Variants in GYPC observed in about 807,000 individuals in gnomAD.
GYPC encodes the protein glycophorin C (Gerbich blood group).
GYPC carries 14 observed loss-of-function variants against 12.6 expected under a neutral mutation model. The ratio of observed to expected loss-of-function variants is 1.11; its 90% CI spans 0.74 to 1.74. GYPC has a LOEUF of 1.74. Ranked by LOEUF, GYPC falls within the 40% of genes most tolerant of loss-of-function variation. The pLI, the probability that GYPC is intolerant of heterozygous loss-of-function variation, is 0.00. For synonymous variants in GYPC, 78 were observed against 62.1 expected (o/e 1.26, Z -1.20); for missense variants, 225 against 172.1 (o/e 1.31, Z -1.72).
intron 3 of GYPC, among the ~76,000 whole-genome samples, chr2:126,695,527 T>A (rs1683615161): frequency 6.6e-6 from 1 of 152,194 alleles, no homozygotes; most frequent in South Asian, 2.1e-4. Context: ...TATGAGTTCT[T>A]GAGTTTGGAA....
chr2:126,691,498 C>T (rs56209724), intron 2 of GYPC, among the ~76,000 whole-genome samples: 1 of 152,142 alleles, frequency 6.6e-6, no homozygotes, highest in Non-Finnish European at 1.5e-5. Flanking sequence ...AGTCCTCAAT[C>T]GCCAGGAGGG....
chr2:126,668,923 G>A (rs750649451), intron 1 of GYPC, among the ~76,000 whole-genome samples: 14 of 152,176 alleles, frequency 9.2e-5, no homozygotes, highest in Non-Finnish European at 1.5e-4. Flanking sequence ...CTTATCACAC[G>A]AATTCAGGTT....
chr2:126,674,517 G>A lies in GYPC; in HGVS notation c.50-15738G>A, dbSNP rs28387142. Among the ~76,000 whole-genome samples, 1,049 of 152,310 alleles carry A rather than the reference G, an allele frequency of 6.9e-3. 8 individuals are homozygous for A. The highest frequency in any genetic ancestry group is 0.024 in the African/African-American group (983 of 41,568). ...AGAAAGGGGCACTAGAGAGGCCCTC[G>A]AGCCCTGAATGTGGTGGTGGGAGCT... On this transcript the variant is annotated intron_variant, in intron 1 of 3. Transcript: ENST00000259254.
At chr2:126,669,737 AATCCAC>A (rs1465344921) in intron 1 of GYPC, among the ~76,000 whole-genome samples, 47 of 152,140 alleles carry the variant, frequency 3.1e-4, no homozygotes, top group Non-Finnish European at 4.4e-5. Context: ...AGGAGGATGA[AATCCAC>A]GGTGTTCCTT....
intron 1 of GYPC, among the ~76,000 whole-genome samples, chr2:126,665,610 G>A (rs988433691): frequency 6.6e-6 from 1 of 152,168 alleles, no homozygotes; most frequent in Non-Finnish European, 1.5e-5. Context: ...AGGGAGCCCT[G>A]GAGACCCTCT....
intron 1 of GYPC, among the ~76,000 whole-genome samples, chr2:126,683,531 A>G (rs1256065519): frequency 6.6e-6 from 1 of 151,924 alleles, no homozygotes; most frequent in African/African-American, 2.4e-5. Context: ...ACTTTTTCAT[A>G]CTCTCGCCTC....
intron 1 of GYPC, among the ~76,000 whole-genome samples, chr2:126,672,978 A>G (rs1682892405): frequency 6.6e-6 from 1 of 151,974 alleles, no homozygotes; most frequent in African/African-American, 2.4e-5. Context: ...ATCCTCACCC[A>G]TGTCAGAGGT....
chr2:126,683,750 T>G (rs1210648022), intron 1 of GYPC, among the ~76,000 whole-genome samples: 1 of 152,224 alleles, frequency 6.6e-6, no homozygotes, highest in Non-Finnish European at 1.5e-5. Flanking sequence ...GTTCCCCTCC[T>G]GGGAGTACAT....
At chr2:126,669,100 G>A (rs1225550893) in intron 1 of GYPC, among the ~76,000 whole-genome samples, 9 of 152,156 alleles carry the variant, frequency 5.9e-5, no homozygotes, top group Admixed American at 4.6e-4. Context: ...AGACATAGTC[G>A]CAGCTTGTTG....
intron 3 of GYPC, among the ~76,000 whole-genome samples, chr2:126,695,103 G>A (rs1683602053): frequency 6.6e-6 from 1 of 152,200 alleles, no homozygotes; most frequent in Non-Finnish European, 1.5e-5. Context: ...AATGGGAGCA[G>A]GGTAGGGTGA....
At chr2:126,665,744 C>T (rs1682661809) in intron 1 of GYPC, among the ~76,000 whole-genome samples, 1 of 152,236 alleles carries the variant, frequency 6.6e-6, no homozygotes, top group South Asian at 2.1e-4. Flanking sequence ...CTGCCCTGCT[C>T]CGCACCTAGT....
intron 1 of GYPC, among the ~76,000 whole-genome samples, chr2:126,671,642 G>A (rs1418709331): frequency 6.6e-6 from 1 of 152,216 alleles, no homozygotes; most frequent in African/African-American, 2.4e-5. Context: ...GACTGCCCTA[G>A]CACACACGTG....
At chr2:126,661,304 G>A (rs1003616747) in intron 1 of GYPC, among the ~76,000 whole-genome samples, 11 of 152,238 alleles carry the variant, frequency 7.2e-5, no homozygotes, top group Admixed American at 7.2e-4. Flanking sequence ...AGCAAGACTT[G>A]CTGCCAACCT....
chr2:126,673,392 G>T (rs1324987722), intron 1 of GYPC, among the ~76,000 whole-genome samples: 11 of 152,274 alleles, frequency 7.2e-5, no homozygotes, highest in Middle Eastern at 3.4e-3. Flanking sequence ...GACAGTGGCA[G>T]GGTGGGGGTG....
In GYPC at chr2:126,656,308, C is replaced by T; in HGVS notation, c.45C>T (p.Ser15=). ...RSPNSTAWPL[S]LEPDPGMASA... ...CCAACAGCACGGCGTGGCCTCTCAG[C>T]CTCGGTGAGTACCCGCCGTGGGGAA... The change falls in exon 1 of 4, where the codon AGC becomes AGT. Residue 15 remains serine, a synonymous_variant. Coordinates refer to ENST00000259254, the MANE Select transcript of GYPC (RefSeq NM_002101.5). 6.3e-7 allele frequency: 1 copy of T among 1,586,804 alleles called. No individual in the cohort carries two copies. Among genetic ancestry groups the T allele is most frequent in the Non-Finnish European group, 8.6e-7 (1 of 1,168,032 alleles).
chr2:126,675,903 G>A (rs770148923), intron 1 of GYPC, among the ~76,000 whole-genome samples: 2 of 152,180 alleles, frequency 1.3e-5, no homozygotes, highest in Non-Finnish European at 2.9e-5. Flanking sequence ...AAACCACAGA[G>A]TTTATACTTC....
intron 3 of GYPC, 73 bp from the exon 4 acceptor site, chr2:126,695,873 T>G: frequency 8.7e-7 from 1 of 1,146,890 alleles, no homozygotes; most frequent in Non-Finnish European, 1.3e-6. Flanking sequence ...ACAACCCCTG[T>G]GGGTCTTGAC....
Position 126,690,306 on chromosome 2 carries a change from T to G in GYPC, c.101T>G (p.Ile34Ser). 6.2e-7 allele frequency: 1 copy of G among 1,609,414 alleles called. No homozygotes were observed. The highest frequency in any genetic ancestry group is 8.5e-7 in the Non-Finnish European group (1 of 1,175,700). ...SASTTMHTTT[I>S]AEPDPGMSGW... ...TCCACCACAATGCATACTACCACCA[T>G]TGCAGGTGAGTTCTCATCACAGAGC... Residue 34 changes from isoleucine (I) to serine (S), a missense_variant, in exon 2 of 4, where the codon ATT becomes AGT. Ile to Ser is a moderately radical substitution (Grantham distance 142, BLOSUM62 -2). Coordinates refer to ENST00000259254, the MANE Select transcript of GYPC (RefSeq NM_002101.5).
At position 126,693,904 on chromosome 2, in the gene GYPC, G is replaced by A. The variant is rs1340643712; in HGVS notation, c.147G>A (p.Met49Ile). 6.2e-7 allele frequency: 1 copy of A among 1,612,802 alleles called. No homozygotes were observed. Among genetic ancestry groups the A allele is most frequent in the Non-Finnish European group, 8.5e-7 (1 of 1,178,868 alleles). ...PGMSGWPDGR[M>I]ETSTPTIMDI... is the part of the protein sequence containing the mutation. ...TGTCTGGATGGCCGGATGGCAGAAT[G>A]GAGACCTCCACCCCCACCATAATGG... is the stretch of plus-strand genomic sequence containing the variant. Residue 49 changes from methionine (M) to isoleucine (I), a missense_variant, in exon 3 of 4, where the codon ATG (methionine) becomes ATA (isoleucine). Transcript: ENST00000259254.
Sources: allele counts gnomAD v4.1 joint callset (sites outside exome capture counted in the v4.1 genomes callset), GRCh38; gene constraint gnomAD v4.1.1; transcripts MANE v1.5; gene names NCBI Gene and HGNC (gene_info 2026-07-23, HGNC 2026-07-21).